PCDH1: variants seen among roughly 807,000 people sequenced by gnomAD.
The protein encoded by PCDH1 is protocadherin-1.
In PCDH1, 23 loss-of-function variants were observed where a neutral mutation model predicts 74.6. That is an observed-to-expected ratio of 0.31 (90% CI 0.22 to 0.44). The LOEUF (loss-of-function observed/expected upper bound fraction) is 0.44, where lower values mean the gene tolerates loss of function less well. Among genes scored for constraint, PCDH1 ranks in the 20% least tolerant of loss-of-function variants. The probability of loss-of-function intolerance (pLI) is 1.00; values close to 1 mark genes in which losing one functional copy is unlikely to be tolerated. For synonymous variants in PCDH1, 647 were observed against 686.1 expected (o/e 0.94, Z 0.89); for missense variants, 1,214 against 1,641.4 (o/e 0.74, Z 4.50).
chr5:141,865,525 G>T lies in PCDH1; in HGVS notation c.904-98C>A. The T allele has an allele frequency of 7.4e-7, 1 of 1,356,500 alleles. No individual in the cohort carries two copies. The highest frequency in any genetic ancestry group is 1.0e-6 in the Non-Finnish European group (1 of 987,838). 84.0% of individuals were successfully genotyped at this position (1,356,500 alleles called of 1,614,324 possible). A position where few individuals can be genotyped will look rare whatever the true frequency, so the allele number is the denominator to read the frequency against. ...ATGCTGCCAATGTCCTTTCCAACAA[G>T]CATGGCAGACACAGCCAATCCAACA... On this transcript the variant is annotated intron_variant, in intron 2 of 4. Coordinates refer to ENST00000287008, the MANE Select transcript of PCDH1 (RefSeq NM_032420.5). This position sits in a 1 kb window ranked among gnomAD's most constrained non-coding sequence, Gnocchi z 4.4.
chr5:141,866,183 G>A, intron 2 of PCDH1: 3 of 985,494 alleles, frequency 3.0e-6, no homozygotes, highest in Non-Finnish European at 3.6e-6. Context: ...TGTCAAACCG[G>A]GGAAACCTGT....
At chr5:141,862,759 T>TG (rs1419155014) in intron 3 of PCDH1, 5 of 1,014,542 alleles carry the variant, frequency 4.9e-6, no homozygotes, top group Non-Finnish European at 5.9e-6. Context: ...GAAGGCACAA[T>TG]GGGAAGGTGC....
chr5:141,864,498 T>C lies in PCDH1; in HGVS notation c.1833A>G (p.Lys611=). Reference sequence around the variant, plus strand: ...AGAAGTTGTAGCCACTCAGCATAAATTTGGGGTCATTGTCATTGCAGTCCA... The same window carrying C: ...AGAAGTTGTAGCCACTCAGCATAAACTTGGGGTCATTGTCATTGCAGTCCA... ...NVLDCNDNDP[K]FMLSGYNFSV... is the part of the protein sequence containing the mutation. The change falls in exon 3 of 5, where the codon AAA becomes AAG. Residue 611 remains lysine, a synonymous_variant. Coordinates refer to ENST00000287008, the MANE Select transcript of PCDH1 (RefSeq NM_032420.5). The surrounding 1 kb of genome is among the most constrained non-coding windows in gnomAD (Gnocchi z 5.9). The C allele has an allele frequency of 3.1e-6, 5 of 1,614,020 alleles. No homozygotes were observed. The highest frequency in any genetic ancestry group is 4.2e-6 in the Non-Finnish European group (5 of 1,179,984).
intron 4 of PCDH1, chr5:141,856,210 C>T: frequency 6.5e-7 from 1 of 1,535,540 alleles, no homozygotes; most frequent in Non-Finnish European, 8.7e-7. Flanking sequence ...GACCCCAGAG[C>T]AGTTCCCACA....
rs1482893996 is a variant in PCDH1 at position 141,868,972 on chromosome 5, T to G, written c.500A>C (p.Asn167Thr). The change falls in exon 2 of 5, where the codon AAC (asparagine) becomes ACC (threonine). Residue 167 changes from asparagine to threonine, a missense_variant. Coordinates refer to ENST00000287008, the MANE Select transcript of PCDH1 (RefSeq NM_032420.5). The surrounding 1 kb of genome is among the most constrained non-coding windows in gnomAD (Gnocchi z 4.8). The stretch of plus-strand genomic sequence containing the variant: ...CAGAGTGATGACTGGTGAGGCGAAG[T>G]TGGGTGTGTTGTCATTGATGTCTTG... The part of the protein sequence containing the change: ...EVQDINDNTP[N>T]FASPVITLAI... The G allele has an allele frequency of 1.2e-6, 2 of 1,614,162 alleles. No homozygotes were observed. Among genetic ancestry groups the G allele is most frequent in the South Asian group, 2.2e-5 (2 of 91,082 alleles).
chr5:141,855,531 C>CA (rs1165716028), intron 4 of PCDH1, among the ~76,000 whole-genome samples: 2 of 152,128 alleles, frequency 1.3e-5, no homozygotes, highest in Non-Finnish European at 2.9e-5. Context: ...AAATCTACTA[C>CA]AGTGGGCACC....
At position 141,863,941 on chromosome 5, in the gene PCDH1, C is replaced by G. The variant is rs149389126; in HGVS notation, c.2390G>C (p.Arg797Pro). ...LHRLVVKVSD[R>P]GKPPRYGTAL... is the part of the protein sequence containing the mutation. ...TGTGCCATAGCGTGGGGGCTTGCCG[C>G]GGTCACTGACCTTCACCACCAGGCG... Residue 797 changes from arginine (R) to proline (P), a missense_variant, in exon 3 of 5, where the codon CGC becomes CCC. This residue lies in a region of PCDH1 where 836 missense variants were observed against 1,182.2 expected (regional missense o/e 0.71). Transcript: ENST00000287008. The surrounding 1 kb of genome is among the most constrained non-coding windows in gnomAD (Gnocchi z 7.5). The G allele has an allele frequency of 6.2e-7, 1 of 1,613,996 alleles. No individual in the cohort carries two copies. The highest frequency in any genetic ancestry group is 8.5e-7 in the Non-Finnish European group (1 of 1,180,044).
In PCDH1 at chr5:141,865,511, G is replaced by T; in HGVS notation, c.904-84C>A. On this transcript the variant is annotated intron_variant, in intron 2 of 4. Transcript: ENST00000287008. The surrounding 1 kb of genome is among the most constrained non-coding windows in gnomAD (Gnocchi z 4.4). ...ATAAAGGGGCACACATGCTGCCAAT[G>T]TCCTTTCCAACAAGCATGGCAGACA... 1 of 1,441,990 alleles carries T rather than the reference G, an allele frequency of 6.9e-7. No homozygotes were observed. The highest frequency in any genetic ancestry group is 9.4e-7 in the Non-Finnish European group (1 of 1,061,200). 89.3% of individuals were successfully genotyped at this position (1,441,990 alleles called of 1,614,324 possible). A position where few individuals can be genotyped will look rare whatever the true frequency, so the allele number is the denominator to read the frequency against.
In PCDH1 at chr5:141,863,126, C is replaced by T. The variant is rs772900725; in HGVS notation, c.3099+106G>A. Reference sequence around the variant, plus strand: ...GGCTCAGGCTGGCCCCCAACACGGGCAGGCACAGTAAACCTGCTCCATCAC... The same window carrying T: ...GGCTCAGGCTGGCCCCCAACACGGGTAGGCACAGTAAACCTGCTCCATCAC... On this transcript the variant is annotated intron_variant, in intron 3 of 4. Transcript: ENST00000287008. This position sits in a 1 kb window ranked among gnomAD's most constrained non-coding sequence, Gnocchi z 7.5. 1 of 1,439,750 alleles carries T rather than the reference C, an allele frequency of 6.9e-7. No homozygotes were observed. The highest frequency in any genetic ancestry group is 2.4e-5 in the East Asian group (1 of 42,110). 89.2% of individuals were successfully genotyped at this position (1,439,750 alleles called of 1,614,324 possible).
Position 141,863,689 on chromosome 5 carries a change from T to C in PCDH1, c.2642A>G (p.Glu881Gly). 1 of 1,614,186 alleles carries C rather than the reference T, an allele frequency of 6.2e-7. No homozygotes were observed. The highest frequency in any genetic ancestry group is 8.5e-7 in the Non-Finnish European group (1 of 1,180,012). Residue 881 changes from glutamate (E) to glycine (G), a missense_variant, in exon 3 of 5, where the codon GAG (glutamate) becomes GGG (glycine). Transcript: ENST00000287008. The surrounding 1 kb of genome is among the most constrained non-coding windows in gnomAD (Gnocchi z 7.5). ...AVLVRYCRQREAKSGYQAGKK... is the reference protein window; with the variant it reads ...AVLVRYCRQRGAKSGYQAGKK... Reference sequence around the variant, plus strand: ...ACCAGCCTGGTAACCACTTTTGGCCTCCCGCTGTCTGCAGTAGCGCACAAG... The same window carrying C: ...ACCAGCCTGGTAACCACTTTTGGCCCCCCGCTGTCTGCAGTAGCGCACAAG...
intron 3 of PCDH1, among the ~76,000 whole-genome samples, chr5:141,860,699 T>C (rs1752530831): frequency 6.6e-6 from 1 of 152,206 alleles, no homozygotes; most frequent in East Asian, 1.9e-4. Flanking sequence ...CATCACTATT[T>C]AGTTTTCACT....
chr5:141,856,113 A>G (rs1752325539), intron 4 of PCDH1: 2 of 1,026,204 alleles, frequency 1.9e-6, no homozygotes, highest in East Asian at 5.2e-5. Flanking sequence ...AGCTCAGAGC[A>G]GAGTTGGGGG....
chr5:141,860,886 C>T (rs1392532569), intron 3 of PCDH1, among the ~76,000 whole-genome samples: 1 of 152,018 alleles, frequency 6.6e-6, no homozygotes, highest in African/African-American at 2.4e-5. Flanking sequence ...GAGGCCACGG[C>T]GGGCAGATCG....
In PCDH1 at chr5:141,878,404, AGT is replaced by A; in HGVS notation, c.-144_-143del. ...GTCCGCGCCGCGCTCCCGCTCCCCG[AGT>A]GTGTGAGGCGGCGGCGGCGGCGGCG... On this transcript the variant is annotated 5_prime_UTR_variant, in exon 1 of 5. Transcript: ENST00000287008. The surrounding 1 kb of genome is among the most constrained non-coding windows in gnomAD (Gnocchi z 5.5). 1 of 536,834 alleles carries A rather than the reference AGT, an allele frequency of 1.9e-6. No individual in the cohort carries two copies. Among genetic ancestry groups the A allele is most frequent in the Non-Finnish European group, 2.5e-6 (1 of 392,542 alleles). 33.3% of individuals were successfully genotyped at this position (536,834 alleles called of 1,614,324 possible).
At chr5:141,858,481 G>A (rs763455926) in intron 3 of PCDH1, among the ~76,000 whole-genome samples, 9 of 152,198 alleles carry the variant, frequency 5.9e-5, no homozygotes, top group African/African-American at 1.2e-4. Flanking sequence ...CTGCTGGCAT[G>A]AGGAGCCAGA....
In PCDH1 at chr5:141,863,123, G is replaced by A. The variant is rs530117492; in HGVS notation, c.3099+109C>T. On this transcript the variant is annotated intron_variant, in intron 3 of 4. Transcript: ENST00000287008. This position sits in a 1 kb window ranked among gnomAD's most constrained non-coding sequence, Gnocchi z 7.5. The stretch of plus-strand genomic sequence containing the variant: ...GCTGGCTCAGGCTGGCCCCCAACAC[G>A]GGCAGGCACAGTAAACCTGCTCCAT... 8.0e-5 allele frequency: 114 copies of A among 1,424,508 alleles called. No individual in the cohort carries two copies. Among genetic ancestry groups the A allele is most frequent in the African/African-American group, 2.7e-4 (19 of 70,682 alleles). The allele number at this position is 1,424,508 out of a possible 1,614,324, so 88.2% of individuals were successfully genotyped here. A position where few individuals can be genotyped will look rare whatever the true frequency, so the allele number is the denominator to read the frequency against.
chr5:141,855,496 C>A (rs1053722130), intron 4 of PCDH1, among the ~76,000 whole-genome samples: 2 of 152,114 alleles, frequency 1.3e-5, no homozygotes, highest in African/African-American at 4.8e-5. Context: ...CTCCCTCTCA[C>A]ACACACAGAT....
intron 4 of PCDH1, among the ~76,000 whole-genome samples, chr5:141,855,286 C>T (rs1284361441): frequency 6.6e-6 from 1 of 152,066 alleles, no homozygotes; most frequent in Non-Finnish European, 1.5e-5. Context: ...AGACACATTC[C>T]TTCCAGCGTC....
rs1228924492 is a variant in PCDH1 at position 141,854,318 on chromosome 5, C to T, written c.3438G>A (p.Lys1146=). The part of the protein sequence containing the change: ...PGQSSPSRRT[K]SSALKLSTFV... Reference sequence around the variant, plus strand: ...AGGTGGAGAGTTTGAGGGCGCTGCTCTTGGTCCGGCGGCTGGGAGATGACT... The same window carrying T: ...AGGTGGAGAGTTTGAGGGCGCTGCTTTTGGTCCGGCGGCTGGGAGATGACT... Residue 1146 remains lysine (K), a synonymous_variant, in exon 5 of 5, where the codon AAG becomes AAA. Transcript: ENST00000287008. The T allele has an allele frequency of 6.8e-6, 11 of 1,613,624 alleles. No individual in the cohort carries two copies. In the Middle Eastern group the frequency reaches 8.3e-4, roughly 121 times the overall value.
Sources: allele counts gnomAD v4.1 joint callset (sites outside exome capture counted in the v4.1 genomes callset), GRCh38; gene constraint gnomAD v4.1.1; regional missense constraint gnomAD v4.1.1; non-coding constraint Gnocchi (gnomAD v3.1); transcripts MANE v1.5; gene names NCBI Gene and HGNC (gene_info 2026-07-23, HGNC 2026-07-21).